PPP2R5E: variants seen among roughly 807,000 people sequenced by gnomAD.
PPP2R5E encodes the protein protein phosphatase 2 regulatory subunit B'epsilon, also known as serine/threonine-protein phosphatase 2A 56 kDa regulatory subunit epsilon isoform.
In PPP2R5E, 4 loss-of-function variants were observed where a neutral mutation model predicts 65.3. The observed-to-expected ratio is 0.06, with a 90% CI of 0.03 to 0.14. PPP2R5E has a LOEUF of 0.14. Among genes scored for constraint, PPP2R5E ranks in the 10% least tolerant of loss-of-function variants. The pLI is 1.00. For missense variants in PPP2R5E, 274 were observed against 556.1 expected (o/e 0.49, Z 5.10); for synonymous variants, 183 against 187.4 (o/e 0.98, Z 0.19).
At chr14:63,470,276 TACCCAGGGTGGTCTTGA>T (rs1489629424) in intron 2 of PPP2R5E, among the ~76,000 whole-genome samples, 1 of 152,104 alleles carries the variant, frequency 6.6e-6, no homozygotes, top group African/African-American at 2.4e-5. Flanking sequence ...TTCACTATGT[TACCCAGGGTGGTCTTGA>T]ACTCCTAGGC....
At chr14:63,460,050 T>C (rs73274643) in intron 2 of PPP2R5E, among the ~76,000 whole-genome samples, 4,447 of 152,262 alleles carry the variant, frequency 0.029, 193 homozygotes, top group African/African-American at 0.097. Flanking sequence ...AAACGTGTCA[T>C]AGAATGACTA....
chr14:63,526,401 A>C (rs535394312), intron 2 of PPP2R5E, among the ~76,000 whole-genome samples: 1 of 152,300 alleles, frequency 6.6e-6, no homozygotes, highest in South Asian at 2.1e-4. Flanking sequence ...ATGTTGTGTA[A>C]CAGGACAAAT....
chr14:63,487,172 C>A (rs377464212), intron 2 of PPP2R5E, among the ~76,000 whole-genome samples: 2 of 152,056 alleles, frequency 1.3e-5, no homozygotes, highest in South Asian at 4.1e-4. Flanking sequence ...AGTTATTTGT[C>A]GAGAAAAGTA....
intron 2 of PPP2R5E, among the ~76,000 whole-genome samples, chr14:63,488,718 G>A (rs995323778): frequency 1.3e-5 from 2 of 151,866 alleles, no homozygotes; most frequent in African/African-American, 4.8e-5. Context: ...GCGTGGTGGC[G>A]CATACCTGTA....
intron 13 of PPP2R5E, among the ~76,000 whole-genome samples, chr14:63,378,017 C>T (rs1400672366): frequency 6.6e-6 from 1 of 152,292 alleles, no homozygotes; most frequent in Non-Finnish European, 1.5e-5. Context: ...CAGGTGTGCA[C>T]CACCACTCCT....
chr14:63,453,136 A>G (rs988167198), intron 3 of PPP2R5E: 2 of 152,234 alleles, frequency 1.3e-5, no homozygotes, highest in East Asian at 1.9e-4. Context: ...GTTTTTCCTC[A>G]TAACTCCTAA....
At chr14:63,500,601 C>A (rs548440053) in intron 2 of PPP2R5E, among the ~76,000 whole-genome samples, 79 of 152,288 alleles carry the variant, frequency 5.2e-4, no homozygotes, top group African/African-American at 1.7e-3. Flanking sequence ...TGGGTGGGCA[C>A]AGCGGGCTTT....
chr14:63,391,138 C>A (rs926668909), intron 10 of PPP2R5E, among the ~76,000 whole-genome samples: 1 of 152,080 alleles, frequency 6.6e-6, no homozygotes, highest in African/African-American at 2.4e-5. Context: ...GGGGGCCACT[C>A]GGAAGGGAAC....
chr14:63,436,683 G>C (rs1418369405), intron 3 of PPP2R5E, among the ~76,000 whole-genome samples: 4 of 152,232 alleles, frequency 2.6e-5, no homozygotes, highest in Non-Finnish European at 5.9e-5. Flanking sequence ...AGACAGGACA[G>C]CCAGCCCTCC....
At chr14:63,517,677 A>C (rs1196697956) in intron 2 of PPP2R5E, among the ~76,000 whole-genome samples, 1 of 152,246 alleles carries the variant, frequency 6.6e-6, no homozygotes, top group Non-Finnish European at 1.5e-5. Context: ...AAATTATAAT[A>C]GCTCAGGAAA....
intron 2 of PPP2R5E, among the ~76,000 whole-genome samples, chr14:63,512,502 T>G (rs1566754436): frequency 6.6e-6 from 1 of 152,258 alleles, no homozygotes; most frequent in Non-Finnish European, 1.5e-5. Context: ...ATTTTTCTTC[T>G]CAGTAGTTGT....
intron 2 of PPP2R5E, among the ~76,000 whole-genome samples, chr14:63,469,021 G>A (rs1475358981): frequency 6.6e-6 from 1 of 152,174 alleles, no homozygotes; most frequent in Non-Finnish European, 1.5e-5. Flanking sequence ...ATGATAGGTG[G>A]TTTCAACCTT....
intron 3 of PPP2R5E, among the ~76,000 whole-genome samples, chr14:63,427,403 TAA>T (rs930559979): frequency 6.8e-6 from 1 of 146,266 alleles, no homozygotes; most frequent in African/African-American, 2.5e-5. Flanking sequence ...CAGTGCAAAG[TAA>T]AAAAAAAAAG....
chr14:63,435,631 C>G (rs1887917041), intron 3 of PPP2R5E, among the ~76,000 whole-genome samples: 1 of 152,188 alleles, frequency 6.6e-6, no homozygotes, highest in African/African-American at 2.4e-5. Context: ...AGTCTAACCT[C>G]CTCTGCTTAA....
intron 5 of PPP2R5E, among the ~76,000 whole-genome samples, chr14:63,401,352 T>C (rs1228185413): frequency 6.6e-6 from 1 of 152,130 alleles, no homozygotes; most frequent in Non-Finnish European, 1.5e-5. Context: ...CACCTGTAAA[T>C]GCCTAAGTGG....
rs146362499 is a variant in PPP2R5E at position 63,451,627 on chromosome 14, T to C, written c.354+2062A>G. On this transcript the variant is annotated intron_variant, in intron 3 of 13. Transcript: ENST00000337537. ...GTGATGTATGGTATGTATGGTACTA[T>C]AATGGTGGATACATGTCATTACACA... is the stretch of plus-strand genomic sequence containing the variant. 15 of 152,352 alleles carry C rather than the reference T, an allele frequency of 9.8e-5. No individual in the cohort carries two copies. The East Asian group carries it at 2.9e-3, about 29-fold the overall frequency. 9.4% of individuals were successfully genotyped at this position (152,352 alleles called of 1,614,324 possible).
At chr14:63,519,198 G>A (rs889815114) in intron 2 of PPP2R5E, among the ~76,000 whole-genome samples, 1 of 151,984 alleles carries the variant, frequency 6.6e-6, no homozygotes, top group Admixed American at 6.6e-5. Context: ...TGGGCAACAA[G>A]AGCGAGACTC....
chr14:63,522,297 C>T (rs1405255290), intron 2 of PPP2R5E, among the ~76,000 whole-genome samples: 1 of 151,912 alleles, frequency 6.6e-6, no homozygotes, highest in Non-Finnish European at 1.5e-5. Context: ...CTCGCTACAA[C>T]CTCCACCTCC....
intron 3 of PPP2R5E, among the ~76,000 whole-genome samples, chr14:63,441,385 A>G (rs534828242): frequency 6.6e-6 from 1 of 152,310 alleles, no homozygotes; most frequent in East Asian, 1.9e-4. Flanking sequence ...CCACAGAGAA[A>G]CTCTAGCCCA....
Sources: gnomAD v4.1 joint callset for allele counts (sites outside exome capture counted in the v4.1 genomes callset) on GRCh38, gnomAD v4.1.1 for gene constraint, MANE v1.5 for transcripts, NCBI Gene and HGNC (gene_info 2026-07-23, HGNC 2026-07-21) for gene names.